RALGDS: variants seen among roughly 807,000 people sequenced by gnomAD.
RALGDS encodes the protein ral guanine nucleotide exchange factor.
RALGDS carries 44 observed loss-of-function variants against 99.8 expected under a neutral mutation model. The observed-to-expected ratio is 0.44, with a 90% CI of 0.35 to 0.57. The LOEUF (loss-of-function observed/expected upper bound fraction) is 0.57, where lower values mean the gene tolerates loss of function less well. Ranked by LOEUF, RALGDS falls within the 20% of genes least tolerant of loss-of-function variation. The probability of loss-of-function intolerance (pLI) is 0.01; values close to 1 mark genes in which losing one functional copy is unlikely to be tolerated. For synonymous variants in RALGDS, 529 were observed against 505.0 expected (o/e 1.05, Z -0.64); for missense variants, 1,022 against 1,203.1 (o/e 0.85, Z 2.23).
chr9:133,100,707 A>T (rs916370394), intron 16 of RALGDS: 71 of 1,230,200 alleles, frequency 5.8e-5, no homozygotes, highest in Non-Finnish European at 7.0e-5. Context: ...TAACAGCATC[A>T]CTGAGCCTGG....
intron 6 of RALGDS, among the ~76,000 whole-genome samples, 170 bp from the exon 7 acceptor site, chr9:133,107,470 G>C (rs900188022): frequency 6.6e-6 from 1 of 152,232 alleles, no homozygotes; most frequent in South Asian, 2.1e-4. Flanking sequence ...GGGAAGAAGA[G>C]GAGCACCGCC....
chr9:133,100,953 C>T, intron 16 of RALGDS: 2 of 1,046,328 alleles, frequency 1.9e-6, no homozygotes, highest in Non-Finnish European at 2.3e-6. Flanking sequence ...GGCTGGGGTA[C>T]AGAGGGTGGG....
intron 11 of RALGDS, 57 bp from the exon 12 acceptor site, chr9:133,103,319 C>T: frequency 6.2e-7 from 1 of 1,603,474 alleles, no homozygotes; most frequent in Non-Finnish European, 8.5e-7. Context: ...ATTACAGTCT[C>T]CCCACCTCAT....
chr9:133,107,922 G>A, intron 6 of RALGDS, 66 bp downstream of exon 6: 1 of 1,577,476 alleles, frequency 6.3e-7, no homozygotes, highest in Non-Finnish European at 8.7e-7. Flanking sequence ...GCAAATGGTA[G>A]GTCTGGGACA....
Position 133,101,778 on chromosome 9 carries a change from A to G in RALGDS, c.2212-16T>C. On this transcript the variant is annotated splice_polypyrimidine_tract_variant and intron_variant, in intron 15 of 17. Transcript: ENST00000372050. ...ATTCCCAGAACTGAGGGAGACGGTA[A>G]GATCAGCAGATCCCACTGCCCTGTG... The G allele has an allele frequency of 6.3e-7, 1 of 1,587,624 alleles. No homozygotes were observed. The highest frequency in any genetic ancestry group is 8.6e-7 in the Non-Finnish European group (1 of 1,166,776).
intron 1 of RALGDS, chr9:133,129,396 TG>T: frequency 6.2e-6 from 9 of 1,448,488 alleles, no homozygotes; most frequent in Non-Finnish European, 8.2e-6. Flanking sequence ...CGTGCCCTAG[TG>T]GAGTGGAGCA....
At chr9:133,101,427 G>C (rs141854642) in intron 16 of RALGDS, 93 bp downstream of exon 16, 1 of 1,597,394 alleles carries the variant, frequency 6.3e-7, no homozygotes, top group African/African-American at 1.3e-5. Context: ...CCAACTACAA[G>C]GTAGACCCCG....
upstream of RALGDS, among the ~76,000 whole-genome samples, chr9:133,133,721 C>T (rs1265093183): frequency 3.9e-5 from 6 of 152,232 alleles, no homozygotes; most frequent in African/African-American, 2.4e-5. Context: ...CCAGGACACA[C>T]GACCTACCAG....
intron 17 of RALGDS, 28 bp downstream of exon 17, chr9:133,100,240 G>C: frequency 1.3e-6 from 2 of 1,599,482 alleles, no homozygotes; most frequent in Non-Finnish European, 1.7e-6. Context: ...TGCCCCCTCT[G>C]CCATCGCCCT....
At position 133,107,176 on chromosome 9, in the gene RALGDS, G is replaced by A. The variant is rs2119151523; in HGVS notation, c.1322C>T (p.Ala441Val). ...GAGGCAGGTGGTGATGACACAGTTG[G>A]CCACACTGTTGAACTGGGTGACAGT... ...RATVTQFNSV[A>V]NCVITTCLGN... The change falls in exon 7 of 18, where the codon GCC becomes GTC. Residue 441 changes from alanine to valine, a missense_variant. Ala to Val is a moderately conservative substitution (Grantham distance 64). This residue lies in a region of RALGDS where 825 missense variants were observed against 994.5 expected (regional missense o/e 0.83). Transcript: ENST00000372050. 1 of 1,613,756 alleles carries A rather than the reference G, an allele frequency of 6.2e-7. No homozygotes were observed. The highest frequency in any genetic ancestry group is 8.5e-7 in the Non-Finnish European group (1 of 1,180,036).
chr9:133,119,872 AGGTACCG>A (rs1397449420), intron 1 of RALGDS, among the ~76,000 whole-genome samples: 1 of 152,158 alleles, frequency 6.6e-6, no homozygotes, highest in Non-Finnish European at 1.5e-5. Context: ...GGCCCTGTCT[AGGTACCG>A]GGACACCAAG....
upstream of RALGDS, among the ~76,000 whole-genome samples, chr9:133,135,145 C>A (rs1832405438): frequency 1.3e-5 from 2 of 152,162 alleles, no homozygotes; most frequent in South Asian, 2.1e-4. Flanking sequence ...AGGCTACACA[C>A]CCCAGTGGGG....
In RALGDS at chr9:133,121,205, G is replaced by C. The variant is rs982968162; in HGVS notation, c.-51C>G. The C allele has an allele frequency of 9.1e-6, 9 of 987,462 alleles. No homozygotes were observed. Among genetic ancestry groups the C allele is most frequent in the South Asian group, 9.2e-5 (2 of 21,670 alleles). The allele number at this position is 987,462 out of a possible 1,614,324, so 61.2% of individuals were successfully genotyped here. On this transcript the variant is annotated 5_prime_UTR_variant, in exon 1 of 18. Coordinates refer to ENST00000372050, the MANE Select transcript of RALGDS (RefSeq NM_006266.4). ...GCCGGCCCGGCGCGCGGCGGGGGCGGCGGCGCGGCCCGCGCGGCTGGGCTT... is the reference window on the plus strand; with the variant it reads ...GCCGGCCCGGCGCGCGGCGGGGGCGCCGGCGCGGCCCGCGCGGCTGGGCTT...
chr9:133,110,870 C>T (rs1588531699), intron 2 of RALGDS, among the ~76,000 whole-genome samples: 1 of 151,980 alleles, frequency 6.6e-6, no homozygotes, highest in South Asian at 2.1e-4. Flanking sequence ...TTGCTTGAGC[C>T]CAGGAGTTTG....
intron 1 of RALGDS, among the ~76,000 whole-genome samples, chr9:133,143,240 A>G (rs758981218): frequency 6.6e-6 from 1 of 152,058 alleles, no homozygotes; most frequent in South Asian, 2.1e-4. Context: ...CCTTCTCCAC[A>G]AGATCTGTCT....
chr9:133,140,150 C>T (rs1262174567), intron 1 of RALGDS, among the ~76,000 whole-genome samples: 2 of 152,074 alleles, frequency 1.3e-5, no homozygotes, highest in African/African-American at 4.8e-5. Context: ...GCGGGAATCC[C>T]TTTGGAATGG....
rs1261089407 is a variant in RALGDS at position 133,105,964 on chromosome 9, T to A, written c.1570A>T (p.Asn524Tyr). 12 of 1,604,292 alleles carry A rather than the reference T, an allele frequency of 7.5e-6. No individual in the cohort carries two copies. Among genetic ancestry groups the A allele is most frequent in the African/African-American group, 1.4e-5 (1 of 73,246 alleles). Residue 524 changes from asparagine (N) to tyrosine (Y), a missense_variant, in exon 9 of 18, where the codon AAC becomes TAC. Coordinates refer to ENST00000372050, the MANE Select transcript of RALGDS (RefSeq NM_006266.4). ...KLSEIFSDEN[N>Y]YSLSRELLIK... ...AGCAGCTCCCGGCTCAATGAGTAGTTGTTCTCATCTGAGAAGATCTCTGAC... is the reference window on the plus strand; with the variant it reads ...AGCAGCTCCCGGCTCAATGAGTAGTAGTTCTCATCTGAGAAGATCTCTGAC...
intron 1 of RALGDS, 74 bp downstream of exon 1, chr9:133,120,898 C>A: frequency 7.2e-7 from 1 of 1,381,546 alleles, no homozygotes; most frequent in South Asian, 1.5e-5. Context: ...CGGGGCTCGC[C>A]CCGACCTGCC....
intron 1 of RALGDS, among the ~76,000 whole-genome samples, chr9:133,116,310 C>G (rs1054076305): frequency 6.6e-6 from 1 of 152,258 alleles, no homozygotes; most frequent in Non-Finnish European, 1.5e-5. Context: ...CGGCCTCAGA[C>G]CGGGACGACA....
Sources: allele counts gnomAD v4.1 joint callset (sites outside exome capture counted in the v4.1 genomes callset), GRCh38; gene constraint gnomAD v4.1.1; regional missense constraint gnomAD v4.1.1; transcripts MANE v1.5; gene names NCBI Gene and HGNC (gene_info 2026-07-23, HGNC 2026-07-21).